The following GLG1 variants were observed in gnomAD, a reference collection of about 807,000 sequenced individuals.
GLG1 encodes the protein Golgi apparatus protein 1.
Under a neutral mutation model 160.5 loss-of-function variants are expected in GLG1, and 38 were observed. The ratio of observed to expected loss-of-function variants is 0.24; its 90% CI spans 0.18 to 0.31. The LOEUF is 0.31. GLG1 is among the 10% of genes least tolerant of loss of function. GLG1 has a pLI of 1.00. For missense variants in GLG1, 1,373 were observed against 1,505.2 expected, an observed-to-expected ratio of 0.91 and a Z score of 1.45; for synonymous variants, 644 against 543.4, an observed-to-expected ratio of 1.19 and a Z score of -2.57.
intron 2 of GLG1, among the ~76,000 whole-genome samples, chr16:74,531,490 T>C (rs2017531992): frequency 6.6e-6 from 1 of 152,112 alleles, no homozygotes; most frequent in Non-Finnish European, 1.5e-5. Context: ...AGCTAATTTT[T>C]GTTTTTTGTT....
intron 1 of GLG1, among the ~76,000 whole-genome samples, chr16:74,541,843 C>G (rs1298083439): frequency 1.3e-5 from 2 of 151,720 alleles, no homozygotes; most frequent in Non-Finnish European, 2.9e-5. Flanking sequence ...ACTACATACT[C>G]TTTGCACTTT....
chr16:74,471,217 C>G lies in GLG1; in HGVS notation c.2185G>C (p.Asp729His). ...CCGATGGCACACTTCTCGTTCATGT[C>G]CTTCTGGTGTTTGTTCTGTATCAGA... ...ECLIQNKHQKDMNEKCAIGVT... is the reference protein window; with the variant it reads ...ECLIQNKHQKHMNEKCAIGVT... Residue 729 changes from aspartate to histidine, a missense_variant, in exon 15 of 26, where the codon GAC becomes CAC. By Grantham distance (81) the Asp-to-His change is moderately conservative. This residue lies in a region of GLG1 where 491 missense variants were observed against 632.1 expected (regional missense o/e 0.78). Transcript: ENST00000422840. 10 of 1,613,126 alleles carry G rather than the reference C, an allele frequency of 6.2e-6. No homozygotes were observed. Among genetic ancestry groups the G allele is most frequent in the Non-Finnish European group, 8.5e-6 (10 of 1,179,058 alleles).
intron 4 of GLG1, 116 bp downstream of exon 4, chr16:74,503,415 T>C: frequency 1.4e-6 from 1 of 727,278 alleles, no homozygotes; most frequent in Non-Finnish European, 2.4e-6. Context: ...GACAAGTTTC[T>C]TCAATTTCAA....
intron 25 of GLG1, among the ~76,000 whole-genome samples, chr16:74,455,826 C>T (rs77248418): frequency 0.13 from 19,522 of 152,180 alleles, 1,708 homozygotes; most frequent in Admixed American, 0.24. Context: ...TGTAAAGTGA[C>T]GAAACAGTCA....
At chr16:74,497,210 A>G (rs1176075448) in intron 4 of GLG1, among the ~76,000 whole-genome samples, 1 of 151,310 alleles carries the variant, frequency 6.6e-6, no homozygotes, top group East Asian at 2.0e-4. Flanking sequence ...AATCACTTGA[A>G]CCCAGTAGGC....
At chr16:74,577,941 G>T (rs753931006) in intron 1 of GLG1, among the ~76,000 whole-genome samples, 1 of 151,914 alleles carries the variant, frequency 6.6e-6, no homozygotes, top group Admixed American at 6.6e-5. Flanking sequence ...GGGAGGCCAA[G>T]GTAGGAGGAT....
chr16:74,471,305 A>G lies in GLG1; in HGVS notation c.2116-19T>C. ...CCACATCCTGGGGAAGACAGCATGCATTTACACTTCATTGGTAACAATTAA... is the reference window on the plus strand; with the variant it reads ...CCACATCCTGGGGAAGACAGCATGCGTTTACACTTCATTGGTAACAATTAA... On this transcript the variant is annotated intron_variant, in intron 14 of 25. Transcript: ENST00000422840. 7.8e-7 allele frequency: 1 copy of G among 1,279,164 alleles called. No individual in the cohort carries two copies. Among genetic ancestry groups the G allele is most frequent in the South Asian group, 1.2e-5 (1 of 84,068 alleles). The allele number at this position is 1,279,164 out of a possible 1,614,324, so 79.2% of individuals were successfully genotyped here.
intron 1 of GLG1, among the ~76,000 whole-genome samples, chr16:74,567,866 C>T (rs1240020063): frequency 1.3e-5 from 2 of 152,078 alleles, no homozygotes; most frequent in Non-Finnish European, 2.9e-5. Flanking sequence ...CCGCGCCCGG[C>T]CATATGGTGC....
intron 11 of GLG1, among the ~76,000 whole-genome samples, chr16:74,479,238 CAAAAAAAAAA>C (rs11343790): frequency 1.2e-5 from 1 of 85,760 alleles, no homozygotes; most frequent in East Asian, 3.0e-4. Context: ...GGCTTTGTCT[CAAAAAAAAAA>C]AAAAAAAAGG....
At chr16:74,568,734 A>G (rs2018732572) in intron 1 of GLG1, among the ~76,000 whole-genome samples, 1 of 152,142 alleles carries the variant, frequency 6.6e-6, no homozygotes. Context: ...TATATTTTCT[A>G]TTTGCAAAGT....
chr16:74,483,901 T>C (rs1482285364), intron 9 of GLG1, among the ~76,000 whole-genome samples: 3 of 152,212 alleles, frequency 2.0e-5, no homozygotes, highest in Admixed American at 6.5e-5. Flanking sequence ...CCTCGTGATC[T>C]GCCCGCCTCG....
chr16:74,527,245 CTTTTTTTTTTT>C (rs71158522), intron 2 of GLG1, among the ~76,000 whole-genome samples: 4 of 83,100 alleles, frequency 4.8e-5, no homozygotes, highest in Non-Finnish European at 6.9e-5. Context: ...TAAGTCAGTT[CTTTTTTTTTTT>C]TTTTTTTTTT....
intron 1 of GLG1, among the ~76,000 whole-genome samples, chr16:74,584,172 T>C (rs1957996501): frequency 6.6e-6 from 1 of 152,162 alleles, no homozygotes; most frequent in African/African-American, 2.4e-5. Context: ...GACCTCCTAG[T>C]TCCCCCGAAA....
chr16:74,535,664 G>A (rs2017668552), intron 1 of GLG1, among the ~76,000 whole-genome samples: 1 of 152,166 alleles, frequency 6.6e-6, no homozygotes, highest in East Asian at 1.9e-4. Context: ...TCAACTTCTG[G>A]TCTCAAGTGA....
chr16:74,480,155 T>C (rs1159601228), intron 11 of GLG1, 86 bp downstream of exon 11: 5 of 1,127,362 alleles, frequency 4.4e-6, no homozygotes, highest in Non-Finnish European at 6.6e-6. Context: ...GTTTTCCTAA[T>C]ATGACTGAAA....
intron 17 of GLG1, 94 bp downstream of exon 17, chr16:74,468,852 T>C: frequency 1.3e-6 from 1 of 767,476 alleles, no homozygotes. Context: ...ATCACAGTAG[T>C]GGATAAAATG....
At chr16:74,547,271 A>T (rs1014451402) in intron 1 of GLG1, among the ~76,000 whole-genome samples, 6 of 151,338 alleles carry the variant, frequency 4.0e-5, no homozygotes, top group Non-Finnish European at 7.4e-5. Flanking sequence ...ACAATTATAC[A>T]TCCTGTCCTT....
intron 1 of GLG1, among the ~76,000 whole-genome samples, chr16:74,581,885 C>A (rs2143823915): frequency 6.6e-6 from 1 of 152,210 alleles, no homozygotes; most frequent in Admixed American, 6.6e-5. Context: ...GCACTCCAGC[C>A]CAGGCGACGG....
chr16:74,578,803 G>A (rs1957870026), intron 1 of GLG1, among the ~76,000 whole-genome samples: 1 of 152,166 alleles, frequency 6.6e-6, no homozygotes, highest in South Asian at 2.1e-4. Context: ...CAATTAACAT[G>A]CAGTATCATA....
Sources: gnomAD v4.1 joint callset for allele counts (sites outside exome capture counted in the v4.1 genomes callset) on GRCh38, gnomAD v4.1.1 for gene constraint, gnomAD v4.1.1 regional missense constraint, MANE v1.5 for transcripts, NCBI Gene and HGNC (gene_info 2026-07-23, HGNC 2026-07-21) for gene names.